GUCA1C: variants seen among roughly 807,000 people sequenced by gnomAD.
The protein encoded by GUCA1C is guanylyl cyclase-activating protein 3.
In GUCA1C, 15 loss-of-function variants were observed where a neutral mutation model predicts 16.2. The observed-to-expected ratio is 0.93, with a 90% CI of 0.62 to 1.43. GUCA1C has a LOEUF of 1.43. GUCA1C is among the 40% of genes most tolerant of loss of function. GUCA1C has a pLI of 0.00. For missense variants in GUCA1C, 275 were observed against 244.8 expected (o/e 1.12, Z -0.82); for synonymous variants, 78 against 85.4 (o/e 0.91, Z 0.48).
At chr3:108,914,001 G>C (rs376990360) in intron 3 of GUCA1C, among the ~76,000 whole-genome samples, 1 of 151,202 alleles carries the variant, frequency 6.6e-6, no homozygotes, top group Admixed American at 6.6e-5. Flanking sequence ...AGGAGGCGGA[G>C]GTTGCAGTGA....
chr3:108,922,249 A>C (rs1195939999), intron 1 of GUCA1C, among the ~76,000 whole-genome samples: 1 of 152,072 alleles, frequency 6.6e-6, no homozygotes, highest in Non-Finnish European at 1.5e-5. Context: ...AATGACAGGC[A>C]TTTAAGCTGG....
At chr3:108,931,862 CTTCTTT>C (rs1946669903) in intron 1 of GUCA1C, among the ~76,000 whole-genome samples, 1 of 111,486 alleles carries the variant, frequency 9.0e-6, no homozygotes, top group South Asian at 2.5e-4. Context: ...TTTTTTCTTC[CTTCTTT>C]TTTTTTTTTT....
rs1375706112 is a variant in GUCA1C at position 108,936,203 on chromosome 3, G to A, written c.205-15618C>T. Among the ~76,000 whole-genome samples, 18 of 152,148 alleles carry A rather than the reference G, an allele frequency of 1.2e-4. No individual in the cohort carries two copies. In the South Asian group the frequency reaches 3.1e-3, roughly 26 times the overall value. On this transcript the variant is annotated intron_variant, in intron 1 of 3. Coordinates refer to ENST00000261047, the MANE Select transcript of GUCA1C (RefSeq NM_005459.4). ...CCTGAGCCCGGGAGTTGGAGGTTGA[G>A]ATGAGCTGTGATCTCAACACTGCAC... is the stretch of plus-strand genomic sequence containing the variant.
chr3:108,923,113 C>G (rs1946585040), intron 1 of GUCA1C, among the ~76,000 whole-genome samples: 1 of 152,162 alleles, frequency 6.6e-6, no homozygotes, highest in Non-Finnish European at 1.5e-5. Context: ...TTTTCTCCCA[C>G]TCTATGGGTT....
chr3:108,933,108 TC>T (rs1383116650), intron 1 of GUCA1C, among the ~76,000 whole-genome samples: 3 of 152,162 alleles, frequency 2.0e-5, no homozygotes, highest in Non-Finnish European at 4.4e-5. Flanking sequence ...TTTCCTAATC[TC>T]TCACTGCCAG....
chr3:108,953,407 CACTT>C, intron 1 of GUCA1C, 148 bp downstream of exon 1: 1 of 607,366 alleles, frequency 1.6e-6, no homozygotes, highest in Admixed American at 2.9e-5. Context: ...TTTAATGACT[CACTT>C]ACCTACAAGC....
chr3:108,945,187 C>T (rs1946832185), intron 1 of GUCA1C, among the ~76,000 whole-genome samples: 1 of 152,222 alleles, frequency 6.6e-6, no homozygotes, highest in African/African-American at 2.4e-5. Flanking sequence ...GAGAATAGTG[C>T]AGTCCCTGCC....
chr3:108,946,183 A>G (rs1946842080), intron 1 of GUCA1C, among the ~76,000 whole-genome samples: 1 of 152,148 alleles, frequency 6.6e-6, no homozygotes, highest in African/African-American at 2.4e-5. Context: ...CTAGAGTGCA[A>G]TGGTGCAATC....
intron 1 of GUCA1C, among the ~76,000 whole-genome samples, chr3:108,943,230 G>T (rs571251638): frequency 1.3e-5 from 2 of 152,148 alleles, no homozygotes; most frequent in Non-Finnish European, 1.5e-5. Context: ...CAGGTATCGA[G>T]GGGGAGTGGG....
rs267599531 is a variant in GUCA1C, at chr3:108,920,565, C to T, written c.225G>A (p.Leu75=). The stretch of plus-strand genomic sequence containing the variant: ...TTAGATTTACAGCAGCAATAAACTC[C>T]AAAAAGTCAACAAATCCATCCTATG... ...DTNKDGFVDF[L]EFIAAVNLIM... Residue 75 remains leucine, a synonymous_variant, in exon 2 of 4, where the codon TTG becomes TTA. Transcript: ENST00000261047. 1 of 1,511,512 alleles carries T rather than the reference C, an allele frequency of 6.6e-7. No individual in the cohort carries two copies. Among genetic ancestry groups the T allele is most frequent in the East Asian group, 2.2e-5 (1 of 44,518 alleles). The allele number at this position is 1,511,512 out of a possible 1,614,324, so 93.6% of individuals were successfully genotyped here. A position where few individuals can be genotyped will look rare whatever the true frequency, so the allele number is the denominator to read the frequency against.
chr3:108,919,817 T>C (rs551246837), intron 2 of GUCA1C, among the ~76,000 whole-genome samples: 1 of 152,200 alleles, frequency 6.6e-6, no homozygotes, highest in Non-Finnish European at 1.5e-5. Context: ...ATGTCTTGAA[T>C]TCATAATATT....
At chr3:108,928,711 T>C (rs905996792) in intron 1 of GUCA1C, among the ~76,000 whole-genome samples, 2 of 152,238 alleles carry the variant, frequency 1.3e-5, no homozygotes, top group African/African-American at 2.4e-5. Flanking sequence ...TTCTCCACTG[T>C]ATTGCCTTTG....
chr3:108,949,875 C>T (rs778805260), intron 1 of GUCA1C, among the ~76,000 whole-genome samples: 7 of 152,072 alleles, frequency 4.6e-5, no homozygotes, highest in Non-Finnish European at 8.8e-5. Context: ...TTATCACATA[C>T]TTACCTTTTT....
chr3:108,954,175 T>C (rs1044828556), upstream of GUCA1C, among the ~76,000 whole-genome samples: 4 of 152,216 alleles, frequency 2.6e-5, no homozygotes, highest in Non-Finnish European at 4.4e-5. Context: ...TTATTAACTA[T>C]ATTGAAACAT....
At chr3:108,949,790 T>C (rs1374442694) in intron 1 of GUCA1C, among the ~76,000 whole-genome samples, 2 of 152,212 alleles carry the variant, frequency 1.3e-5, no homozygotes, top group South Asian at 2.1e-4. Context: ...TATATATTTA[T>C]GGTATACAAT....
At chr3:108,915,711 T>A (rs1420082467) in intron 3 of GUCA1C, among the ~76,000 whole-genome samples, 2 of 152,136 alleles carry the variant, frequency 1.3e-5, no homozygotes, top group African/African-American at 4.8e-5. Flanking sequence ...GAAGATAGCA[T>A]AAATGAAGGA....
At chr3:108,914,230 A>G (rs1474858518) in intron 3 of GUCA1C, among the ~76,000 whole-genome samples, 1 of 152,150 alleles carries the variant, frequency 6.6e-6, no homozygotes, top group Non-Finnish European at 1.5e-5. Context: ...AACCTCAGCT[A>G]TTGCCCAGGC....
At chr3:108,953,413 C>T (rs1265886360) in intron 1 of GUCA1C, 146 bp downstream of exon 1, 4 of 614,572 alleles carry the variant, frequency 6.5e-6, no homozygotes, top group Non-Finnish European at 8.7e-6. Context: ...GACTCACTTA[C>T]CTACAAGCTG....
chr3:108,908,165 G>C lies in GUCA1C; in HGVS notation c.487C>G (p.Gln163Glu). 6.2e-7 allele frequency: 1 copy of C among 1,613,716 alleles called. No homozygotes were observed. Among genetic ancestry groups the C allele is most frequent in the Non-Finnish European group, 8.5e-7 (1 of 1,179,694 alleles). Residue 163 changes from glutamine to glutamate, a missense_variant, in exon 4 of 4, where the codon CAG becomes GAG. Gln to Glu is a conservative substitution (Grantham distance 29). Transcript: ENST00000261047. Reference sequence around the variant, plus strand: ...TTGTAAACAATCTCCAGGAGATCCTGATCTTTTGCCATGCCATTGATAAAT... The same window carrying C: ...TTGTAAACAATCTCCAGGAGATCCTCATCTTTTGCCATGCCATTGATAAAT... ...EEFINGMAKD[Q>E]DLLEIVYKSF... is the part of the protein sequence containing the mutation.
Sources: gnomAD v4.1 joint callset for allele counts (sites outside exome capture counted in the v4.1 genomes callset) on GRCh38, gnomAD v4.1.1 for gene constraint, MANE v1.5 for transcripts, NCBI Gene and HGNC (gene_info 2026-07-23, HGNC 2026-07-21) for gene names.